DGKB: variants seen among roughly 807,000 people sequenced by gnomAD.
DGKB encodes diacylglycerol kinase beta, also known as 90 kDa diacylglycerol kinase.
DGKB carries 67 observed loss-of-function variants against 114.3 expected under a neutral mutation model. The observed-to-expected ratio is 0.59, with a 90% confidence interval of 0.48 to 0.72. The LOEUF is 0.72. Ranked by LOEUF, DGKB falls within the 30% of genes least tolerant of loss-of-function variation. The probability of loss-of-function intolerance (pLI) is 0.00; values close to 1 mark genes in which losing one functional copy is unlikely to be tolerated. For synonymous variants in DGKB, 398 were observed against 323.1 expected, an observed-to-expected ratio of 1.23 and a Z score of -2.49; for missense variants, 907 against 975.2, an observed-to-expected ratio of 0.93 and a Z score of 0.93.
intron 20 of DGKB, among the ~76,000 whole-genome samples, chr7:14,560,249 G>C (rs1796457514): frequency 6.6e-6 from 1 of 151,932 alleles, no homozygotes; most frequent in Non-Finnish European, 1.5e-5. Flanking sequence ...TCTTAACAAA[G>C]TATAAAATAC....
intron 23 of DGKB, among the ~76,000 whole-genome samples, chr7:14,279,554 TTTTC>T (rs1413146456): frequency 6.6e-6 from 1 of 152,246 alleles, no homozygotes; most frequent in African/African-American, 2.4e-5. Context: ...TTGAAAATTC[TTTTC>T]TTTAAGAATG....
intron 21 of DGKB, among the ~76,000 whole-genome samples, chr7:14,466,004 A>G (rs1294954085): frequency 6.6e-6 from 1 of 151,890 alleles, no homozygotes; most frequent in Non-Finnish European, 1.5e-5. Context: ...AAGCTGGCCT[A>G]AGAACAGAAA....
At chr7:14,894,122 G>C (rs1313422985) in intron 1 of DGKB, among the ~76,000 whole-genome samples, 1 of 151,194 alleles carries the variant, frequency 6.6e-6, no homozygotes, top group Admixed American at 6.6e-5. Context: ...ATAAGGCCAG[G>C]GAAGTTTATA....
chr7:14,484,379 G>A (rs1783451483), intron 20 of DGKB, among the ~76,000 whole-genome samples: 1 of 152,142 alleles, frequency 6.6e-6, no homozygotes, highest in South Asian at 2.1e-4. Context: ...TGGAGGTGGG[G>A]CCTCGTGGGA....
intron 6 of DGKB, among the ~76,000 whole-genome samples, chr7:14,713,773 T>A (rs1018849218): frequency 6.6e-6 from 1 of 151,934 alleles, no homozygotes; most frequent in South Asian, 2.1e-4. Context: ...CTATTCAGTC[T>A]CCATATGTCA....
At chr7:14,279,368 G>A (rs1229010457) in intron 23 of DGKB, among the ~76,000 whole-genome samples, 2 of 152,256 alleles carry the variant, frequency 1.3e-5, no homozygotes, top group South Asian at 2.1e-4. Flanking sequence ...CTCCAACTGG[G>A]TGGAGCCCAC....
At chr7:14,191,086 G>GC (rs1223939238) in intron 23 of DGKB, 1 of 157,728 alleles carries the variant, frequency 6.3e-6, no homozygotes, top group African/African-American at 2.4e-5. Context: ...GGACACAGAT[G>GC]CTTTGCGAAA....
chr7:14,604,772 T>C (rs185557398), intron 17 of DGKB, among the ~76,000 whole-genome samples: 55 of 152,156 alleles, frequency 3.6e-4, no homozygotes, highest in African/African-American at 1.3e-3. Context: ...AGATCAGTCA[T>C]TGAGTTCAGA....
rs188021931 is a variant in DGKB at position 14,689,305 on chromosome 7, G to A, written c.712-3943C>T. Among the ~76,000 whole-genome samples the A allele has an allele frequency of 8.9e-4, 129 of 145,048 alleles. 1 individual carries two copies. Among genetic ancestry groups the A allele is most frequent in the African/African-American group, 2.6e-3 (101 of 39,270 alleles). On this transcript the variant is annotated intron_variant, in intron 9 of 25. Coordinates refer to ENST00000402815, the MANE Select transcript of DGKB (RefSeq NM_001350709.2). The stretch of plus-strand genomic sequence containing the variant: ...ACTGCAAGCTCCGCCTCCCGGGTTC[G>A]TGCCATTCTCCTGCCTTCACCCACT...
At chr7:14,969,892 G>C (rs541941008) in intron 1 of DGKB, among the ~76,000 whole-genome samples, 2 of 152,136 alleles carry the variant, frequency 1.3e-5, no homozygotes, top group Admixed American at 6.5e-5. Flanking sequence ...TCTAAACATA[G>C]AAAAGGCAAT....
At chr7:14,183,547 G>A (rs770944626) in intron 23 of DGKB, among the ~76,000 whole-genome samples, 30 of 152,184 alleles carry the variant, frequency 2.0e-4, no homozygotes, top group Non-Finnish European at 4.3e-4. Context: ...TCTACTATAT[G>A]CCTGCTATGA....
At chr7:14,682,457 T>A (rs936684862) in intron 12 of DGKB, 96 bp downstream of exon 12, 1 of 797,642 alleles carries the variant, frequency 1.3e-6, no homozygotes, top group Non-Finnish European at 2.1e-6. Context: ...ACACTCAGTT[T>A]CAGGAAGCCC....
intron 23 of DGKB, among the ~76,000 whole-genome samples, chr7:14,231,545 C>T (rs1791847687): frequency 1.3e-5 from 2 of 151,260 alleles, no homozygotes; most frequent in African/African-American, 2.4e-5. Flanking sequence ...AAATAATTTC[C>T]ATATTATAAA....
At chr7:14,649,697 T>C (rs1260940576) in intron 13 of DGKB, among the ~76,000 whole-genome samples, 3 of 141,674 alleles carry the variant, frequency 2.1e-5, no homozygotes, top group East Asian at 2.1e-4. Flanking sequence ...AGACACAGAC[T>C]GGCAAATTGG....
intron 21 of DGKB, among the ~76,000 whole-genome samples, chr7:14,395,703 T>TA (rs1194485225): frequency 1.3e-5 from 2 of 151,872 alleles, no homozygotes; most frequent in Non-Finnish European, 2.9e-5. Flanking sequence ...TTAAATCTGT[T>TA]AAAGCCATTT....
chr7:14,935,844 A>G (rs895812864), intron 1 of DGKB, among the ~76,000 whole-genome samples: 8 of 152,056 alleles, frequency 5.3e-5, no homozygotes. Flanking sequence ...AAAACAAGTC[A>G]TCCTAGATCC....
intron 21 of DGKB, among the ~76,000 whole-genome samples, chr7:14,468,943 A>C (rs1780881316): frequency 6.6e-6 from 1 of 152,120 alleles, no homozygotes; most frequent in Non-Finnish European, 1.5e-5. Context: ...GGCAAAATCA[A>C]GGGGAAAATA....
chr7:14,690,019 A>C (rs1822542928), intron 9 of DGKB, among the ~76,000 whole-genome samples: 1 of 152,214 alleles, frequency 6.6e-6, no homozygotes, highest in African/African-American at 2.4e-5. Context: ...GAAACCATGC[A>C]GGCTAGATGT....
rs979467404 is a variant in DGKB at position 14,148,261 on chromosome 7, C to T, written c.*870G>A. The stretch of plus-strand genomic sequence containing the variant: ...AATCACAGGAACCCTAAATTTGCTC[C>T]ACAATGCTTAATTAATTATGCATTA... On this transcript the variant is annotated 3_prime_UTR_variant, in exon 26 of 26. Transcript: ENST00000402815. The T allele has an allele frequency of 6.6e-6, 1 of 152,544 alleles. No homozygotes were observed. The highest frequency in any genetic ancestry group is 1.5e-5 in the Non-Finnish European group (1 of 68,018). The allele number at this position is 152,544 out of a possible 1,614,324, so 9.4% of individuals were successfully genotyped here.
Sources: gnomAD v4.1 joint callset for allele counts (sites outside exome capture counted in the v4.1 genomes callset) on GRCh38, gnomAD v4.1.1 for gene constraint, MANE v1.5 for transcripts, NCBI Gene and HGNC (gene_info 2026-07-23, HGNC 2026-07-21) for gene names.